Variants in IRF2 observed in about 807,000 individuals in gnomAD.
IRF2 encodes interferon regulatory factor 2.
IRF2 carries 15 observed loss-of-function variants against 40.6 expected under a neutral mutation model. The observed-to-expected ratio is 0.37, with a 90% CI of 0.25 to 0.57. IRF2 has a LOEUF of 0.57. Among genes scored for constraint, IRF2 ranks in the 20% least tolerant of loss-of-function variants. IRF2 has a pLI of 0.77. For missense variants in IRF2, 317 were observed against 455.7 expected, an observed-to-expected ratio of 0.70 and a Z score of 2.77; for synonymous variants, 151 against 165.5, an observed-to-expected ratio of 0.91 and a Z score of 0.67.
At chr4:184,461,543 C>T (rs979046592) in intron 1 of IRF2, among the ~76,000 whole-genome samples, 2 of 152,124 alleles carry the variant, frequency 1.3e-5, no homozygotes, top group South Asian at 4.1e-4. Flanking sequence ...ACCTGGCTAC[C>T]TCAAATCGAA....
chr4:184,424,805 CTT>C (rs1387821546), intron 2 of IRF2, among the ~76,000 whole-genome samples: 1 of 152,242 alleles, frequency 6.6e-6, no homozygotes, highest in East Asian at 1.9e-4. Context: ...TTAACCAACT[CTT>C]TCTCTCTTAC....
At chr4:184,400,175 C>T (rs570109070) in intron 6 of IRF2, among the ~76,000 whole-genome samples, 2 of 152,234 alleles carry the variant, frequency 1.3e-5, no homozygotes, top group Non-Finnish European at 2.9e-5. Context: ...ATCTCTCTCA[C>T]GTTACTCTTT....
intron 6 of IRF2, among the ~76,000 whole-genome samples, chr4:184,402,579 C>T (rs764709577): frequency 3.9e-5 from 6 of 152,262 alleles, no homozygotes; most frequent in East Asian, 1.9e-4. Flanking sequence ...ACCGGAGAGG[C>T]GCTCAGGGAC....
In IRF2 at chr4:184,413,166, C is replaced by T. The variant is rs933799059; in HGVS notation, c.412-4891G>A. ...TCCATGCCAGTGGCACCAGCTACTG[C>T]CTTTCCACAGCAGTCTCTCCTGCCT... On this transcript the variant is annotated intron_variant, in intron 5 of 8. Transcript: ENST00000393593. This position sits in a 1 kb window ranked among gnomAD's most constrained non-coding sequence, Gnocchi z 4.2. 6.6e-6 allele frequency among the ~76,000 whole-genome samples: 1 copy of T among 152,232 alleles called. No individual in the cohort carries two copies. Among genetic ancestry groups the T allele is most frequent in the Non-Finnish European group, 1.5e-5 (1 of 68,038 alleles).
intron 5 of IRF2, among the ~76,000 whole-genome samples, chr4:184,410,668 C>T (rs1002343515): frequency 2.0e-5 from 3 of 149,208 alleles, no homozygotes; most frequent in Non-Finnish European, 4.5e-5. Context: ...TTTGTATGGG[C>T]TTCCTTTGCT....
chr4:184,389,834 C>T (rs1037138389), intron 8 of IRF2, among the ~76,000 whole-genome samples: 4 of 152,096 alleles, frequency 2.6e-5, no homozygotes, highest in Non-Finnish European at 5.9e-5. Flanking sequence ...GAAAAGGCAG[C>T]GAGGAACTTA....
At chr4:184,391,279 C>T (rs1736252874) in intron 7 of IRF2, among the ~76,000 whole-genome samples, 1 of 152,204 alleles carries the variant, frequency 6.6e-6, no homozygotes, top group African/African-American at 2.4e-5. Context: ...ATCCTCACCT[C>T]CTTGGATTCA....
chr4:184,406,837 C>T (rs1736876099), intron 6 of IRF2, among the ~76,000 whole-genome samples: 1 of 152,162 alleles, frequency 6.6e-6, no homozygotes, highest in Non-Finnish European at 1.5e-5. Context: ...GCTTGAGTTT[C>T]ACCATAGATA....
chr4:184,408,055 C>T lies in IRF2; in HGVS notation c.529+103G>A. ...CTTGCATTCTGAGATGATTCCAAGA[C>T]CTCCTCCCACTGACTATGTTATTTG... On this transcript the variant is annotated intron_variant, in intron 6 of 8. Coordinates refer to ENST00000393593, the MANE Select transcript of IRF2 (RefSeq NM_002199.4). The surrounding 1 kb of genome is among the most constrained non-coding windows in gnomAD (Gnocchi z 4.9). 3 of 679,208 alleles carry T rather than the reference C, an allele frequency of 4.4e-6. No homozygotes were observed. Among genetic ancestry groups the T allele is most frequent in the Non-Finnish European group, 2.6e-6 (1 of 378,482 alleles). 42.1% of individuals were successfully genotyped at this position (679,208 alleles called of 1,614,324 possible).
intron 1 of IRF2, among the ~76,000 whole-genome samples, chr4:184,442,004 C>T (rs11937326): frequency 0.041 from 6,193 of 152,198 alleles, 419 homozygotes; most frequent in African/African-American, 0.14. Context: ...CCCACACCTC[C>T]GTCTGACCTG....
intron 1 of IRF2, among the ~76,000 whole-genome samples, chr4:184,440,734 C>T (rs975824110): frequency 1.3e-5 from 2 of 152,194 alleles, no homozygotes; most frequent in Non-Finnish European, 2.9e-5. Flanking sequence ...AAGAGATCTG[C>T]GAGGCTCTTC....
chr4:184,423,362 T>A (rs991534920), intron 2 of IRF2, among the ~76,000 whole-genome samples: 1 of 152,194 alleles, frequency 6.6e-6, no homozygotes, highest in African/African-American at 2.4e-5. Context: ...CAGAAAAGCA[T>A]CTGACATTAT....
chr4:184,412,281 T>A (rs924127765), intron 5 of IRF2, among the ~76,000 whole-genome samples: 2 of 152,138 alleles, frequency 1.3e-5, no homozygotes, highest in African/African-American at 2.4e-5. Flanking sequence ...TCTTTAGACC[T>A]GTAAAATAAT....
rs113391166 is a variant in IRF2, at chr4:184,434,565, C to T, written c.-6-5495G>A. Among the ~76,000 whole-genome samples, 217 of 152,298 alleles carry T rather than the reference C, an allele frequency of 1.4e-3. 6 individuals are homozygous for T. Among genetic ancestry groups the T allele is most frequent in the Middle Eastern group, 6.8e-3 (2 of 294 alleles). ...CTACCCTGGAGCCTGACGAAAGGCACGTTGTAAAATCATCTACCTTTACAC... is the reference window on the plus strand; with the variant it reads ...CTACCCTGGAGCCTGACGAAAGGCATGTTGTAAAATCATCTACCTTTACAC... On this transcript the variant is annotated intron_variant, in intron 1 of 8. Transcript: ENST00000393593.
At chr4:184,468,236 C>T (rs936290678) in intron 1 of IRF2, among the ~76,000 whole-genome samples, 25 of 152,236 alleles carry the variant, frequency 1.6e-4, no homozygotes, top group African/African-American at 3.9e-4. Flanking sequence ...ACCTGTAATC[C>T]GAATACTTTG....
At chr4:184,392,993 G>A (rs532159715) in intron 7 of IRF2, among the ~76,000 whole-genome samples, 1 of 152,246 alleles carries the variant, frequency 6.6e-6, no homozygotes, top group Admixed American at 6.5e-5. Flanking sequence ...ATGAGCTGAC[G>A]TTGCCGAGCA....
chr4:184,401,842 T>C (rs1298597170), intron 6 of IRF2, among the ~76,000 whole-genome samples: 1 of 152,196 alleles, frequency 6.6e-6, no homozygotes, highest in Non-Finnish European at 1.5e-5. Context: ...ACTTCCAATA[T>C]TTCAAAACTC....
At chr4:184,456,965 C>T (rs1176774746) in intron 1 of IRF2, among the ~76,000 whole-genome samples, 1 of 152,216 alleles carries the variant, frequency 6.6e-6, no homozygotes. Flanking sequence ...CCAGTCAATG[C>T]CATCAAGGCA....
intron 1 of IRF2, among the ~76,000 whole-genome samples, chr4:184,464,689 G>A (rs767096432): frequency 2.0e-5 from 3 of 152,156 alleles, no homozygotes; most frequent in East Asian, 1.9e-4. Flanking sequence ...CTGGGAAGAC[G>A]TATCTCCCTA....
Sources: gnomAD v4.1 joint callset for allele counts (sites outside exome capture counted in the v4.1 genomes callset) on GRCh38, gnomAD v4.1.1 for gene constraint, Gnocchi (gnomAD v3.1) non-coding constraint, MANE v1.5 for transcripts, NCBI Gene and HGNC (gene_info 2026-07-23, HGNC 2026-07-21) for gene names.